Variants in SYT1 observed in about 807,000 individuals in gnomAD.
SYT1 encodes the protein synaptotagmin 1.
In SYT1, 8 loss-of-function variants were observed where a neutral mutation model predicts 44.8. The observed-to-expected ratio is 0.18, with a 90% CI of 0.10 to 0.32. The LOEUF (loss-of-function observed/expected upper bound fraction) is 0.32, where lower values mean the gene tolerates loss of function less well. Ranked by LOEUF, SYT1 falls within the 10% of genes least tolerant of loss-of-function variation. The probability of loss-of-function intolerance (pLI) is 1.00; values close to 1 mark genes in which losing one functional copy is unlikely to be tolerated. For synonymous variants in SYT1, 154 were observed against 188.8 expected (o/e 0.82, Z 1.51); for missense variants, 286 against 509.3 (o/e 0.56, Z 4.22).
intron 9 of SYT1, among the ~76,000 whole-genome samples, chr12:79,354,080 G>A (rs1366647077): frequency 2.0e-5 from 3 of 152,106 alleles, no homozygotes; most frequent in Non-Finnish European, 4.4e-5. Context: ...CAATATATAT[G>A]CATAATGAAA....
At chr12:78,931,312 G>GA (rs1356376465) in intron 1 of SYT1, among the ~76,000 whole-genome samples, 17 of 15,266 alleles carry the variant, frequency 1.1e-3, no homozygotes, top group African/African-American at 3.2e-3. Flanking sequence ...GGAAGGAGAG[G>GA]GAGGGAGGGA....
At chr12:78,909,298 G>T (rs947577768) in intron 1 of SYT1, among the ~76,000 whole-genome samples, 1 of 151,816 alleles carries the variant, frequency 6.6e-6, no homozygotes, top group African/African-American at 2.4e-5. Flanking sequence ...ACATCTCAGG[G>T]TGAGTTATTT....
chr12:79,265,050 T>C (rs1222466413), intron 4 of SYT1, among the ~76,000 whole-genome samples: 1 of 152,136 alleles, frequency 6.6e-6, no homozygotes, highest in Non-Finnish European at 1.5e-5. Context: ...GCTTTTATAG[T>C]TTGGGTTTTT....
At chr12:79,043,913 T>C (rs981528179) in intron 2 of SYT1, among the ~76,000 whole-genome samples, 2 of 152,348 alleles carry the variant, frequency 1.3e-5, no homozygotes, top group Non-Finnish European at 2.9e-5. Context: ...TATGAAATTC[T>C]GGGTCGAAAA....
At chr12:79,354,960 C>T (rs900395107) in intron 9 of SYT1, among the ~76,000 whole-genome samples, 1 of 152,164 alleles carries the variant, frequency 6.6e-6, no homozygotes, top group Non-Finnish European at 1.5e-5. Context: ...ACCATCCCCT[C>T]ATAACCTATG....
intron 3 of SYT1, among the ~76,000 whole-genome samples, chr12:79,193,980 C>T (rs746743466): frequency 8.5e-5 from 13 of 152,122 alleles, no homozygotes; most frequent in Non-Finnish European, 1.6e-4. Context: ...AAAATACAGA[C>T]TCATGATTGT....
chr12:79,281,525 A>C (rs905348870), intron 4 of SYT1, among the ~76,000 whole-genome samples: 2 of 152,040 alleles, frequency 1.3e-5, no homozygotes, highest in Non-Finnish European at 2.9e-5. Context: ...AACACTGGAG[A>C]CTCAAAAGTG....
chr12:79,304,417 G>A (rs1422992758), intron 8 of SYT1, among the ~76,000 whole-genome samples: 1 of 152,056 alleles, frequency 6.6e-6, no homozygotes, highest in Non-Finnish European at 1.5e-5. Context: ...GGTTTTTTTG[G>A]TATGTTTCTT....
At chr12:79,154,380 C>G (rs1198125420) in intron 3 of SYT1, among the ~76,000 whole-genome samples, 2 of 150,930 alleles carry the variant, frequency 1.3e-5, no homozygotes, top group Non-Finnish European at 3.0e-5. Flanking sequence ...TGAAACAACT[C>G]TATGACATAG....
intron 9 of SYT1, among the ~76,000 whole-genome samples, chr12:79,428,042 A>G (rs147829047): frequency 6.6e-6 from 1 of 152,322 alleles, no homozygotes; most frequent in East Asian, 1.9e-4. Context: ...GTGATAACTA[A>G]TATTAACTGT....
intron 2 of SYT1, among the ~76,000 whole-genome samples, chr12:78,999,050 A>G (rs918800376): frequency 6.6e-6 from 1 of 152,146 alleles, no homozygotes; most frequent in Non-Finnish European, 1.5e-5. Context: ...AATACTTTGG[A>G]CCATGTCACA....
intron 4 of SYT1, among the ~76,000 whole-genome samples, chr12:79,225,506 G>A (rs1485161233): frequency 3.3e-5 from 5 of 152,106 alleles, no homozygotes; most frequent in Non-Finnish European, 7.4e-5. Flanking sequence ...CACAAACTCC[G>A]GGTACTTTTG....
At chr12:79,151,738 T>C (rs1467604627) in intron 3 of SYT1, among the ~76,000 whole-genome samples, 6 of 152,142 alleles carry the variant, frequency 3.9e-5, no homozygotes, top group South Asian at 4.1e-4. Context: ...TGTGGTGAAG[T>C]AAAAACAAAC....
At chr12:79,066,431 C>T (rs766543695) in intron 3 of SYT1, among the ~76,000 whole-genome samples, 21 of 148,704 alleles carry the variant, frequency 1.4e-4, no homozygotes, top group African/African-American at 2.0e-4. Context: ...CTTAAACTTA[C>T]AATTTTTATG....
At chr12:78,997,664 C>CTTTTTTTTTT (rs143170436) in intron 2 of SYT1, among the ~76,000 whole-genome samples, 1 of 144,714 alleles carries the variant, frequency 6.9e-6, no homozygotes, top group Non-Finnish European at 1.5e-5. Flanking sequence ...TTTCTCTTTC[C>CTTTTTTTTTT]TTTTTTTTTT....
intron 8 of SYT1, among the ~76,000 whole-genome samples, chr12:79,329,532 T>C (rs1381271815): frequency 6.6e-6 from 1 of 152,240 alleles, no homozygotes; most frequent in Non-Finnish European, 1.5e-5. Context: ...ATAACTAGCA[T>C]GCATGTACAC....
intron 3 of SYT1, among the ~76,000 whole-genome samples, chr12:79,174,840 G>A (rs1755896080): frequency 6.6e-6 from 1 of 151,996 alleles, no homozygotes; most frequent in African/African-American, 2.4e-5. Context: ...TAACAACGTG[G>A]GAGTTTTTAG....
At chr12:79,042,049 G>A (rs1873622854) in intron 2 of SYT1, among the ~76,000 whole-genome samples, 1 of 150,178 alleles carries the variant, frequency 6.7e-6, no homozygotes, top group African/African-American at 2.4e-5. Context: ...GAGGATTTTT[G>A]CATCAATGTT....
intron 3 of SYT1, among the ~76,000 whole-genome samples, chr12:79,069,814 A>G (rs1343106586): frequency 6.6e-6 from 1 of 152,096 alleles, no homozygotes; most frequent in Non-Finnish European, 1.5e-5. Flanking sequence ...GTTTGGGTGA[A>G]AGAATAATTT....
Sources: allele counts gnomAD v4.1 joint callset (sites outside exome capture counted in the v4.1 genomes callset), GRCh38; gene constraint gnomAD v4.1.1; transcripts MANE v1.5; gene names NCBI Gene and HGNC (gene_info 2026-07-23, HGNC 2026-07-21).